The following C8orf34 variants were observed in gnomAD, a reference collection of about 807,000 sequenced individuals.
C8orf34 encodes chromosome 8 open reading frame 34.
Under a neutral mutation model 68.3 loss-of-function variants are expected in C8orf34, and 65 were observed. The observed-to-expected ratio is 0.95, with a 90% CI of 0.78 to 1.17. C8orf34 has a LOEUF of 1.17. Ranked by LOEUF, C8orf34 falls within the 50% of genes most tolerant of loss-of-function variation. The probability of loss-of-function intolerance (pLI) is 0.00; values close to 1 mark genes in which losing one functional copy is unlikely to be tolerated. For missense variants in C8orf34, 664 were observed against 655.4 expected (o/e 1.01, Z -0.14); for synonymous variants, 244 against 241.2 (o/e 1.01, Z -0.11).
chr8:68,701,424 C>T (rs1264435925), intron 8 of C8orf34, among the ~76,000 whole-genome samples: 3 of 152,026 alleles, frequency 2.0e-5, no homozygotes, highest in Non-Finnish European at 4.4e-5. Flanking sequence ...AAACAAAATT[C>T]CACTTAATCC....
At chr8:68,369,668 T>C (rs866213142) in intron 1 of C8orf34, among the ~76,000 whole-genome samples, 2 of 152,166 alleles carry the variant, frequency 1.3e-5, no homozygotes, top group African/African-American at 4.8e-5. Flanking sequence ...TGATGTCCCA[T>C]AGTAAGGCAT....
chr8:68,515,527 C>T (rs1288871793), intron 5 of C8orf34, among the ~76,000 whole-genome samples: 1 of 152,034 alleles, frequency 6.6e-6, no homozygotes, highest in Non-Finnish European at 1.5e-5. Context: ...TATGTCCTTG[C>T]ACTCCATTTA....
intron 11 of C8orf34, among the ~76,000 whole-genome samples, chr8:68,776,777 A>G (rs113461200): frequency 1.3e-5 from 2 of 152,264 alleles, no homozygotes; most frequent in African/African-American, 4.8e-5. Context: ...GTGTGCACAA[A>G]AAAAGACACA....
chr8:68,508,484 T>C (rs1814119397), intron 5 of C8orf34, among the ~76,000 whole-genome samples: 1 of 152,232 alleles, frequency 6.6e-6, no homozygotes, highest in Non-Finnish European at 1.5e-5. Flanking sequence ...CATTTAGCCA[T>C]AGCTACGTAC....
At chr8:68,441,374 G>A (rs1810903241) in intron 2 of C8orf34, among the ~76,000 whole-genome samples, 2 of 152,140 alleles carry the variant, frequency 1.3e-5, no homozygotes, top group Non-Finnish European at 2.9e-5. Flanking sequence ...TCTCCTAGGT[G>A]CAACCCAGAG....
At chr8:68,412,502 C>T (rs1163024068) in intron 1 of C8orf34, among the ~76,000 whole-genome samples, 1 of 152,172 alleles carries the variant, frequency 6.6e-6, no homozygotes, top group Admixed American at 6.5e-5. Flanking sequence ...TTTTACTTTT[C>T]TCTACAGGCT....
intron 1 of C8orf34, among the ~76,000 whole-genome samples, chr8:68,403,054 G>A (rs549909458): frequency 1.3e-5 from 2 of 152,304 alleles, no homozygotes; most frequent in South Asian, 4.1e-4. Context: ...AATTCATGCA[G>A]TGCTGTGCTT....
chr8:68,493,412 C>T (rs755187829), intron 5 of C8orf34, among the ~76,000 whole-genome samples: 65 of 152,148 alleles, frequency 4.3e-4, no homozygotes, highest in Admixed American at 7.9e-4. Context: ...GAAAAAAACA[C>T]GATGAGATAC....
chr8:68,706,895 T>C (rs1159298130), intron 8 of C8orf34, among the ~76,000 whole-genome samples: 1 of 152,108 alleles, frequency 6.6e-6, no homozygotes, highest in Admixed American at 6.5e-5. Context: ...GGAAGACCCT[T>C]AGAGAAAAGG....
intron 1 of C8orf34, among the ~76,000 whole-genome samples, chr8:68,392,069 A>C (rs1228604774): frequency 2.0e-5 from 3 of 152,070 alleles, no homozygotes; most frequent in Non-Finnish European, 4.4e-5. Flanking sequence ...TGAGAATATA[A>C]ATTCTGATTT....
At chr8:68,626,493 T>G (rs573180888) in intron 7 of C8orf34, among the ~76,000 whole-genome samples, 1 of 152,348 alleles carries the variant, frequency 6.6e-6, no homozygotes, top group Admixed American at 6.5e-5. Context: ...TAACAATTAG[T>G]ACATAATACA....
At chr8:68,346,713 A>T (rs1806300257) in intron 1 of C8orf34, among the ~76,000 whole-genome samples, 1 of 152,030 alleles carries the variant, frequency 6.6e-6, no homozygotes, top group Admixed American at 6.6e-5. Context: ...GCCTTTTCAG[A>T]TTGGCTTCTT....
chr8:68,555,102 T>C (rs1190200172), intron 7 of C8orf34, among the ~76,000 whole-genome samples: 1 of 152,122 alleles, frequency 6.6e-6, no homozygotes, highest in Non-Finnish European at 1.5e-5. Context: ...TTTCCTTTAC[T>C]GATTTCTATT....
At chr8:68,785,472 T>A (rs1176407114) in intron 11 of C8orf34, among the ~76,000 whole-genome samples, 3 of 152,194 alleles carry the variant, frequency 2.0e-5, no homozygotes, top group Admixed American at 2.0e-4. Flanking sequence ...TAACCCGTAC[T>A]CCTATGGAAA....
chr8:68,776,553 G>T (rs1823525379), intron 11 of C8orf34, 104 bp downstream of exon 11: 1 of 862,362 alleles, frequency 1.2e-6, no homozygotes, highest in Non-Finnish European at 1.9e-6. Context: ...TTTCTAGTCT[G>T]TATGTGTTCA....
In C8orf34 at chr8:68,392,840, T is replaced by G. The variant is rs1264851513; in HGVS notation, c.328-46659T>G. Reference sequence around the variant, plus strand: ...TTGAAAAGTGATAATATCATGTTCTTGGCTTCAGGTAATAAAGGCTATGTT... The same window carrying G: ...TTGAAAAGTGATAATATCATGTTCTGGGCTTCAGGTAATAAAGGCTATGTT... On this transcript the variant is annotated intron_variant, in intron 1 of 13. Coordinates refer to ENST00000518698, the MANE Select transcript of C8orf34 (RefSeq NM_052958.4). 2.0e-5 allele frequency among the ~76,000 whole-genome samples: 3 copies of G among 152,156 alleles called. No homozygotes were observed. In the East Asian group the frequency reaches 5.8e-4, roughly 29 times the overall value.
At chr8:68,396,530 G>T (rs1286957628) in intron 1 of C8orf34, among the ~76,000 whole-genome samples, 1 of 151,274 alleles carries the variant, frequency 6.6e-6, no homozygotes, top group Non-Finnish European at 1.5e-5. Context: ...CTGTACCCCT[G>T]GTTATAGTTT....
At chr8:68,508,317 C>T (rs1171521508) in intron 5 of C8orf34, among the ~76,000 whole-genome samples, 1 of 152,176 alleles carries the variant, frequency 6.6e-6, no homozygotes, top group East Asian at 1.9e-4. Flanking sequence ...TTACCAAACA[C>T]TTTAATGGCA....
At chr8:68,671,368 A>C (rs1820002745) in intron 8 of C8orf34, among the ~76,000 whole-genome samples, 1 of 152,214 alleles carries the variant, frequency 6.6e-6, no homozygotes, top group Non-Finnish European at 1.5e-5. Context: ...CAGATGTTGA[A>C]AATTGTGCTG....
Sources: gnomAD v4.1 joint callset for allele counts (sites outside exome capture counted in the v4.1 genomes callset) on GRCh38, gnomAD v4.1.1 for gene constraint, MANE v1.5 for transcripts, NCBI Gene and HGNC (gene_info 2026-07-23, HGNC 2026-07-21) for gene names.